GYPE: variants seen among roughly 807,000 people sequenced by gnomAD.
GYPE encodes the protein glycophorin E (MNS blood group).
A neutral mutation model predicts 11.6 loss-of-function variants in GYPE; 8 were observed. That is an observed-to-expected ratio of 0.69 (90% confidence interval 0.41 to 1.25). The LOEUF is 1.25. Ranked by LOEUF, GYPE falls within the 50% of genes most tolerant of loss-of-function variation. GYPE has a pLI of 0.01. For synonymous variants in GYPE, 28 were observed against 29.6 expected (o/e 0.94, Z 0.18); for missense variants, 90 against 92.8 (o/e 0.97, Z 0.12).
chr4:143,891,869 G>T (rs1457403820), intron 1 of GYPE, among the ~76,000 whole-genome samples: 1 of 152,102 alleles, frequency 6.6e-6, no homozygotes, highest in Non-Finnish European at 1.5e-5. Context: ...CCAGTGGGTT[G>T]TCACTGGCAC....
chr4:143,903,288 A>G lies in GYPE; in HGVS notation c.37+2183T>C, dbSNP rs546174076. On this transcript the variant is annotated intron_variant, in intron 1 of 3. Coordinates refer to ENST00000358615, the MANE Select transcript of GYPE (RefSeq NM_198682.3). ...CATCCACTGTGCCCAACCTCCGTGT[A>G]TCCTCCATGGGAGCCCATTTTTCTT... Among the ~76,000 whole-genome samples, 7 of 151,500 alleles carry G rather than the reference A, an allele frequency of 4.6e-5. 1 individual carries two copies. In the South Asian group the frequency reaches 1.5e-3, roughly 32 times the overall value.
chr4:143,885,322 A>AAG (rs1744190176), intron 1 of GYPE, among the ~76,000 whole-genome samples: 1 of 152,184 alleles, frequency 6.6e-6, no homozygotes, highest in Non-Finnish European at 1.5e-5. Flanking sequence ...ACTGTTTTAT[A>AAG]AAAATGAAAA....
At chr4:143,899,247 G>A (rs1158509228) in intron 1 of GYPE, among the ~76,000 whole-genome samples, 5 of 150,632 alleles carry the variant, frequency 3.3e-5, no homozygotes, top group Non-Finnish European at 7.4e-5. Context: ...AACATCACTA[G>A]GTATGGTACA....
intron 3 of GYPE, chr4:143,875,462 A>C: frequency 6.4e-7 from 1 of 1,550,938 alleles, no homozygotes; most frequent in Non-Finnish European, 8.7e-7. Context: ...CAGCAGGTGC[A>C]GCTGGTTCTA....
intron 1 of GYPE, among the ~76,000 whole-genome samples, chr4:143,882,223 A>G (rs1393550734): frequency 9.7e-4 from 148 of 152,148 alleles, no homozygotes; most frequent in Non-Finnish European, 3.8e-4. Flanking sequence ...GTTGTTCAGC[A>G]TTCAGGTATA....
At chr4:143,903,185 T>C (rs115881825) in intron 1 of GYPE, among the ~76,000 whole-genome samples, 3,298 of 152,046 alleles carry the variant, frequency 0.022, 40 homozygotes, top group Middle Eastern at 0.041. Context: ...TTTATATGCT[T>C]TGTATTATTT....
At chr4:143,897,323 G>A (rs570720138) in intron 1 of GYPE, among the ~76,000 whole-genome samples, 5 of 152,040 alleles carry the variant, frequency 3.3e-5, no homozygotes, top group African/African-American at 1.2e-4. Flanking sequence ...AAAAAAATTA[G>A]TCAGGTGTGG....
chr4:143,889,375 A>G (rs930716018), intron 1 of GYPE, among the ~76,000 whole-genome samples: 12 of 152,072 alleles, frequency 7.9e-5, no homozygotes, highest in African/African-American at 2.9e-4. Context: ...ATTTCTGTCC[A>G]CTGTCCCAGT....
rs1400282942 is a variant in GYPE at position 143,902,141 on chromosome 4, GGTCATTT to G, written c.37+3323_37+3329del. ...CTAAACTAGTCTGCCACAAAATTCT[GGTCATTT>G]GTCATTTGTCATTTTGAGTAGTTGA... On this transcript the variant is annotated intron_variant, in intron 1 of 3. Transcript: ENST00000358615. 1.1e-4 allele frequency among the ~76,000 whole-genome samples: 16 copies of G among 152,012 alleles called. No homozygotes were observed. The East Asian group carries it at 3.1e-3, about 29-fold the overall frequency.
At chr4:143,897,393 C>T (rs1744692870) in intron 1 of GYPE, among the ~76,000 whole-genome samples, 1 of 151,936 alleles carries the variant, frequency 6.6e-6, no homozygotes, top group Non-Finnish European at 1.5e-5. Context: ...CACTTGAATC[C>T]AGCAGTTCAA....
At chr4:143,904,907 T>C (rs367895924) in intron 1 of GYPE, among the ~76,000 whole-genome samples, 1 of 152,186 alleles carries the variant, frequency 6.6e-6, no homozygotes, top group South Asian at 2.1e-4. Context: ...TTAATGGATT[T>C]AAATTTCTCC....
At chr4:143,891,069 C>CAAGTATT (rs1744383703) in intron 1 of GYPE, among the ~76,000 whole-genome samples, 1 of 152,078 alleles carries the variant, frequency 6.6e-6, no homozygotes, top group Non-Finnish European at 1.5e-5. Context: ...GCCCTTAGTA[C>CAAGTATT]AAGTATTAGT....
At chr4:143,879,258 A>C (rs1899960) in intron 2 of GYPE, among the ~76,000 whole-genome samples, 1 of 151,868 alleles carries the variant, frequency 6.6e-6, no homozygotes, top group Admixed American at 6.6e-5. Flanking sequence ...CATCTTACTT[A>C]TGTCTCTGTC....
At chr4:143,880,370 G>T (rs201534364) in intron 2 of GYPE, 41 bp downstream of exon 2, 564 of 1,613,330 alleles carry the variant, frequency 3.5e-4, no homozygotes, top group Non-Finnish European at 4.6e-4. Context: ...TCACAAAAAC[G>T]ATTTCGGAGC....
At chr4:143,876,109 T>TTTTA (rs959104994) in intron 3 of GYPE, among the ~76,000 whole-genome samples, 21 of 152,024 alleles carry the variant, frequency 1.4e-4, no homozygotes, top group African/African-American at 3.6e-4. Context: ...TTTTGTTTAT[T>TTTTA]TTTATTTATT....
In GYPE at chr4:143,880,404, A is replaced by G; in HGVS notation, c.136+7T>C. On this transcript the variant is annotated splice_region_variant and intron_variant, in intron 2 of 3. Coordinates refer to ENST00000358615, the MANE Select transcript of GYPE (RefSeq NM_198682.3). The stretch of plus-strand genomic sequence containing the variant: ...GCCACAATTTAAAAATAAAAATGAA[A>G]ACAAACCATTTGTCTGTGATGAGAT... 6.2e-7 allele frequency: 1 copy of G among 1,613,930 alleles called. No individual in the cohort carries two copies. Among genetic ancestry groups the G allele is most frequent in the Non-Finnish European group, 8.5e-7 (1 of 1,179,834 alleles).
At chr4:143,901,025 T>C (rs1744845635) in intron 1 of GYPE, among the ~76,000 whole-genome samples, 1 of 152,192 alleles carries the variant, frequency 6.6e-6, no homozygotes, top group Admixed American at 6.5e-5. Context: ...TGTAAATCGC[T>C]TAGAACAGTG....
At chr4:143,874,038 A>T (rs1456196208) in intron 3 of GYPE, among the ~76,000 whole-genome samples, 1 of 152,132 alleles carries the variant, frequency 6.6e-6, no homozygotes, top group Non-Finnish European at 1.5e-5. Context: ...AACCCCATGT[A>T]GACTAATGTA....
chr4:143,900,649 T>C (rs1047972093), intron 1 of GYPE, among the ~76,000 whole-genome samples: 4 of 151,562 alleles, frequency 2.6e-5, no homozygotes, highest in Non-Finnish European at 5.9e-5. Flanking sequence ...ATAACATTTA[T>C]TATAAAAGGA....
Sources: gnomAD v4.1 joint callset for allele counts (sites outside exome capture counted in the v4.1 genomes callset) on GRCh38, gnomAD v4.1.1 for gene constraint, MANE v1.5 for transcripts, NCBI Gene and HGNC (gene_info 2026-07-23, HGNC 2026-07-21) for gene names.